The following ZNF556 variants were observed in gnomAD, a reference collection of about 807,000 sequenced individuals.
The protein encoded by ZNF556 is zinc finger protein 556.
Under a neutral mutation model 13.6 loss-of-function variants are expected in ZNF556, and 11 were observed. The ratio of observed to expected loss-of-function variants is 0.81; its 90% CI spans 0.51 to 1.33. The LOEUF (loss-of-function observed/expected upper bound fraction) is 1.33, where lower values mean the gene tolerates loss of function less well. Ranked by LOEUF, ZNF556 falls within the 40% of genes most tolerant of loss-of-function variation. The pLI, the probability that ZNF556 is intolerant of heterozygous loss-of-function variation, is 0.00. For missense variants in ZNF556, 633 were observed against 566.2 expected (o/e 1.12, Z -1.20); for synonymous variants, 229 against 207.8 (o/e 1.10, Z -0.88).
In ZNF556 at chr19:2,877,815, C is replaced by T. The variant is rs137990401; in HGVS notation, c.857C>T (p.Pro286Leu). 3.0e-4 allele frequency: 482 copies of T among 1,614,096 alleles called. 3 individuals are homozygous for T. The African/African-American group carries it at 4.8e-3, about 16-fold the overall frequency. The change falls in exon 4 of 4, where the codon CCG (proline) becomes CTG (leucine). Residue 286 changes from proline (P) to leucine (L), a missense_variant. Pro to Leu is a moderately conservative substitution (Grantham distance 98). Coordinates refer to ENST00000307635, the MANE Select transcript of ZNF556 (RefSeq NM_024967.3). ...VHMIMHAGGR[P>L]YECKQCGKAY... ...ATGATCATGCACGCCGGAGGGAGACCGTATGAGTGCAAGCAGTGTGGGAAA... is the reference window on the plus strand; with the variant it reads ...ATGATCATGCACGCCGGAGGGAGACTGTATGAGTGCAAGCAGTGTGGGAAA...
intron 1 of ZNF556, among the ~76,000 whole-genome samples, chr19:2,871,865 C>T (rs544490377): frequency 6.6e-5 from 10 of 152,284 alleles, no homozygotes; most frequent in South Asian, 2.1e-4. Flanking sequence ...ACAAGACAAA[C>T]GGGCAGGATA....
intron 2 of ZNF556, among the ~76,000 whole-genome samples, chr19:2,874,305 T>G (rs532349538): frequency 6.6e-6 from 1 of 152,248 alleles, no homozygotes; most frequent in Non-Finnish European, 1.5e-5. Context: ...ATTAAGCCTA[T>G]TCTAAGATTT....
In ZNF556 at chr19:2,880,400, A is replaced by G. The variant is rs954306130; in HGVS notation, c.*2071A>G. ...AATAAGTTGTATACTAACAAATGTC[A>G]ATCTCTGTTTTTTATTTACTGGGAG... On this transcript the variant is annotated 3_prime_UTR_variant, in exon 4 of 4. Coordinates refer to ENST00000307635, the MANE Select transcript of ZNF556 (RefSeq NM_024967.3). The G allele has an allele frequency of 1.3e-5, 2 of 152,210 alleles. No individual in the cohort carries two copies. Among genetic ancestry groups the G allele is most frequent in the African/African-American group, 2.4e-5 (1 of 41,462 alleles). The allele number at this position is 152,210 out of a possible 1,614,324, so 9.4% of individuals were successfully genotyped here.
At chr19:2,867,901 G>T (rs1190105748) in intron 1 of ZNF556, among the ~76,000 whole-genome samples, 3 of 152,106 alleles carry the variant, frequency 2.0e-5, no homozygotes, top group South Asian at 2.1e-4. Context: ...CCCGCAGGCC[G>T]GACTCCAGCC....
Position 2,879,501 on chromosome 19 carries a change from C to T in ZNF556, c.*1172C>T, listed in dbSNP as rs2087888339. 1 of 152,092 alleles carries T rather than the reference C, an allele frequency of 6.6e-6. No individual in the cohort carries two copies. The highest frequency in any genetic ancestry group is 1.5e-5 in the Non-Finnish European group (1 of 68,074). The allele number at this position is 152,092 out of a possible 1,614,324, so 9.4% of individuals were successfully genotyped here. ...AGTAGCTGGGACTATAGGCATGCAC[C>T]ACCATGTCCAGCTAATTTTTGTATT... On this transcript the variant is annotated 3_prime_UTR_variant, in exon 4 of 4. Coordinates refer to ENST00000307635, the MANE Select transcript of ZNF556 (RefSeq NM_024967.3).
At position 2,880,571 on chromosome 19, in the gene ZNF556, C is replaced by T. The variant is rs745614138; in HGVS notation, c.*2242C>T. On this transcript the variant is annotated 3_prime_UTR_variant, in exon 4 of 4. Transcript: ENST00000307635. ...GATCATGAGGTCAAGAGATCGAGAC[C>T]ATCCTGGCTAACACGGTGAAACCCC... 6.6e-6 allele frequency: 1 copy of T among 152,148 alleles called. No homozygotes were observed. The highest frequency in any genetic ancestry group is 1.5e-5 in the Non-Finnish European group (1 of 68,120). 9.4% of individuals were successfully genotyped at this position (152,148 alleles called of 1,614,324 possible). A position where few individuals can be genotyped will look rare whatever the true frequency, so the allele number is the denominator to read the frequency against.
At chr19:2,875,333 A>G (rs980781892) in intron 2 of ZNF556, 1 of 152,068 alleles carries the variant, frequency 6.6e-6, no homozygotes, top group African/African-American at 2.4e-5. Context: ...AGCTGGGACT[A>G]CAGGCGCCCG....
chr19:2,877,444 G>T lies in ZNF556; in HGVS notation c.486G>T (p.Leu162=). ...AACTCTTCACCCATTCCTCATCCCT[G>T]ATAAGGCACAAAAGAGCTCACTCTG... ...CGKLFTHSSS[L]IRHKRAHSGQ... Residue 162 remains leucine, a synonymous_variant, in exon 4 of 4, where the codon CTG becomes CTT. Coordinates refer to ENST00000307635, the MANE Select transcript of ZNF556 (RefSeq NM_024967.3). 3 of 1,614,142 alleles carry T rather than the reference G, an allele frequency of 1.9e-6. No individual in the cohort carries two copies. The highest frequency in any genetic ancestry group is 2.5e-6 in the Non-Finnish European group (3 of 1,180,032).
intron 1 of ZNF556, 52 bp from the exon 2 acceptor site, chr19:2,873,444 A>G: frequency 6.2e-7 from 1 of 1,602,856 alleles, no homozygotes; most frequent in Non-Finnish European, 8.5e-7. Context: ...TCAGTTCCGC[A>G]GTGCTGTGAG....
chr19:2,871,657 C>A (rs558549297), intron 1 of ZNF556, among the ~76,000 whole-genome samples: 1 of 152,112 alleles, frequency 6.6e-6, no homozygotes, highest in Non-Finnish European at 1.5e-5. Flanking sequence ...ACTAAAAATA[C>A]AAAAATTAGT....
At position 2,882,531 on chromosome 19, in the gene ZNF556, A is replaced by AGTGTGTGTGTGTGTGTGTGTGTGT. The variant is rs1555726894; in HGVS notation, c.*4214_*4237dup. On this transcript the variant is annotated 3_prime_UTR_variant, in exon 4 of 4. Coordinates refer to ENST00000307635, the MANE Select transcript of ZNF556 (RefSeq NM_024967.3). ...ATACATTTTATATATATATATATAT[A>AGTGTGTGTGTGTGTGTGTGTGTGT]GTGTGTGTGTGTGTGTGTGTGTGTG... 7.8e-6 allele frequency: 1 copy of AGTGTGTGTGTGTGTGTGTGTGTGT among 127,722 alleles called. No individual in the cohort carries two copies. Among genetic ancestry groups the AGTGTGTGTGTGTGTGTGTGTGTGT allele is most frequent in the African/African-American group, 3.0e-5 (1 of 32,940 alleles). The allele number at this position is 127,722 out of a possible 1,614,324, so 7.9% of individuals were successfully genotyped here. A position where few individuals can be genotyped will look rare whatever the true frequency, so the allele number is the denominator to read the frequency against.
chr19:2,877,423 CTT>C lies in ZNF556; in HGVS notation c.466_467del (p.Phe156HisfsTer20). 1 of 1,614,190 alleles carries C rather than the reference CTT, an allele frequency of 6.2e-7. No homozygotes were observed. The highest frequency in any genetic ancestry group is 8.5e-7 in the Non-Finnish European group (1 of 1,180,036). On this transcript the variant is annotated frameshift_variant, in exon 4 of 4. Coordinates refer to ENST00000307635, the MANE Select transcript of ZNF556 (RefSeq NM_024967.3). LOFTEE classifies it low-confidence loss of function (END_TRUNC). The part of the protein sequence containing the change: ...RYECSQCGKL[F>X]THSSSLIRHK... ...ACGAATGCAGTCAGTGTGGAAAACT[CTT>C]CACCCATTCCTCATCCCTGATAAGG...
At chr19:2,874,027 C>T (rs147766890) in intron 2 of ZNF556, among the ~76,000 whole-genome samples, 4 of 151,996 alleles carry the variant, frequency 2.6e-5, no homozygotes, top group Middle Eastern at 3.4e-3. Context: ...GAGGCCAAGG[C>T]GGGTGGATTG....
chr19:2,872,679 T>C lies in ZNF556; in HGVS notation c.4-817T>C, dbSNP rs566235378. 5.9e-5 allele frequency among the ~76,000 whole-genome samples: 9 copies of C among 151,976 alleles called. No homozygotes were observed. In the East Asian group the frequency reaches 1.2e-3, roughly 20 times the overall value. The stretch of plus-strand genomic sequence containing the variant: ...ACCTGGGTGGCTTGCTGCCCACAGG[T>C]GTGGTGGCGGGCACCTGTAATCCCA... On this transcript the variant is annotated intron_variant, in intron 1 of 3. Coordinates refer to ENST00000307635, the MANE Select transcript of ZNF556 (RefSeq NM_024967.3).
intron 1 of ZNF556, among the ~76,000 whole-genome samples, chr19:2,872,405 C>T (rs552387238): frequency 6.6e-6 from 1 of 151,882 alleles, no homozygotes; most frequent in South Asian, 2.1e-4. Flanking sequence ...ACAGAAGGCT[C>T]GCACTCTTGT....
In ZNF556 at chr19:2,882,533, T is replaced by TATA. The variant is rs1568356788; in HGVS notation, c.*4204_*4205insATA. ...ACATTTTATATATATATATATATAG[T>TATA]GTGTGTGTGTGTGTGTGTGTGTGTG... On this transcript the variant is annotated 3_prime_UTR_variant, in exon 4 of 4. Coordinates refer to ENST00000307635, the MANE Select transcript of ZNF556 (RefSeq NM_024967.3). 14 of 64,304 alleles carry TATA rather than the reference T, an allele frequency of 2.2e-4. No homozygotes were observed. The highest frequency in any genetic ancestry group is 2.9e-4 in the African/African-American group (5 of 17,086). The allele number at this position is 64,304 out of a possible 1,614,324, so 4.0% of individuals were successfully genotyped here. A position where few individuals can be genotyped will look rare whatever the true frequency, so the allele number is the denominator to read the frequency against.
chr19:2,871,383 T>C (rs1311724535), intron 1 of ZNF556, among the ~76,000 whole-genome samples: 2 of 152,146 alleles, frequency 1.3e-5, no homozygotes, highest in African/African-American at 4.8e-5. Context: ...AGAAGAGTGA[T>C]TGCCTGCGGC....
At chr19:2,874,432 T>C (rs2087832424) in intron 2 of ZNF556, among the ~76,000 whole-genome samples, 1 of 151,828 alleles carries the variant, frequency 6.6e-6, no homozygotes, top group East Asian at 1.9e-4. Flanking sequence ...TCTGTACTTT[T>C]CTTTCTGCCT....
chr19:2,878,082 G>C lies in ZNF556; in HGVS notation c.1124G>C (p.Cys375Ser). The change falls in exon 4 of 4, where the codon TGT becomes TCT. Residue 375 changes from cysteine (C) to serine (S), a missense_variant. Cys to Ser is a moderately radical substitution (Grantham distance 112). Transcript: ENST00000307635. Reference protein sequence around the residue: ...TREKVYKCETCGKTYGWSSSL... With the variant: ...TREKVYKCETSGKTYGWSSSL... ...GAGAAAGTCTATAAATGTGAAACGT[G>C]TGGGAAAACGTATGGTTGGTCCTCA... The C allele has an allele frequency of 6.2e-7, 1 of 1,614,172 alleles. No individual in the cohort carries two copies. The highest frequency in any genetic ancestry group is 1.1e-5 in the South Asian group (1 of 91,088).
Sources: gnomAD v4.1 joint callset for allele counts (sites outside exome capture counted in the v4.1 genomes callset) on GRCh38, gnomAD v4.1.1 for gene constraint, MANE v1.5 for transcripts, NCBI Gene and HGNC (gene_info 2026-07-23, HGNC 2026-07-21) for gene names.